The following ZC3H7B variants were observed in gnomAD, a reference collection of about 807,000 sequenced individuals.
ZC3H7B encodes the protein zinc finger CCCH-type containing 7B.
A neutral mutation model predicts 116.0 loss-of-function variants in ZC3H7B; 35 were observed. That is an observed-to-expected ratio of 0.30 (90% CI 0.23 to 0.40). The LOEUF (loss-of-function observed/expected upper bound fraction) is 0.40, where lower values mean the gene tolerates loss of function less well. Among genes scored for constraint, ZC3H7B ranks in the 10% least tolerant of loss-of-function variants. The pLI is 1.00. For synonymous variants in ZC3H7B, 502 were observed against 545.6 expected, an observed-to-expected ratio of 0.92 and a Z score of 1.11; for missense variants, 1,011 against 1,321.5, an observed-to-expected ratio of 0.77 and a Z score of 3.64.
At chr22:41,319,514 G>A (rs1410427764) in intron 1 of ZC3H7B, among the ~76,000 whole-genome samples, 1 of 151,072 alleles carries the variant, frequency 6.6e-6, no homozygotes, top group Non-Finnish European at 1.5e-5. Context: ...AGGTTGGAGT[G>A]GGCTGAGATC....
At chr22:41,345,206 A>T (rs998892932) in intron 13 of ZC3H7B, among the ~76,000 whole-genome samples, 11 of 152,220 alleles carry the variant, frequency 7.2e-5, no homozygotes, top group African/African-American at 2.7e-4. Context: ...GGGAGTAATG[A>T]GGAATCCTAG....
chr22:41,326,323 TCC>T (rs767252592), intron 4 of ZC3H7B, among the ~76,000 whole-genome samples: 2 of 147,024 alleles, frequency 1.4e-5, no homozygotes, highest in Non-Finnish European at 2.9e-5. Flanking sequence ...TCCTCACTGT[TCC>T]TCCCATAGCC....
In ZC3H7B at chr22:41,320,539, G is replaced by C. The variant is rs2036241812; in HGVS notation, c.-6-116G>C. The C allele has an allele frequency of 6.7e-6, 8 of 1,189,292 alleles. No individual in the cohort carries two copies. In the Admixed American group the frequency reaches 8.5e-5, roughly 13 times the overall value. The allele number at this position is 1,189,292 out of a possible 1,614,324, so 73.7% of individuals were successfully genotyped here. On this transcript the variant is annotated intron_variant, in intron 1 of 22. Coordinates refer to ENST00000352645, the MANE Select transcript of ZC3H7B (RefSeq NM_017590.6). ...CCTCAGGGACACGCCTCCCGACATGGGGAAGGGAATGAGAGTGGGAGTGAG... is the reference window on the plus strand; with the variant it reads ...CCTCAGGGACACGCCTCCCGACATGCGGAAGGGAATGAGAGTGGGAGTGAG...
At chr22:41,352,865 G>A (rs2036670484) in intron 17 of ZC3H7B, among the ~76,000 whole-genome samples, 1 of 151,640 alleles carries the variant, frequency 6.6e-6, no homozygotes, top group Non-Finnish European at 1.5e-5. Flanking sequence ...ATCACCTGAG[G>A]TCAGGAGTTT....
intron 21 of ZC3H7B, 84 bp from the exon 22 acceptor site, chr22:41,356,561 G>A: frequency 1.2e-6 from 2 of 1,608,668 alleles, no homozygotes; most frequent in Non-Finnish European, 1.7e-6. Flanking sequence ...GGAGGGCCCA[G>A]CCGGCCAGCG....
In ZC3H7B at chr22:41,327,863, C is replaced by T. The variant is rs1203142613; in HGVS notation, c.444+499C>T. Among the ~76,000 whole-genome samples, 1 of 152,224 alleles carries T rather than the reference C, an allele frequency of 6.6e-6. No homozygotes were observed. The highest frequency in any genetic ancestry group is 1.5e-5 in the Non-Finnish European group (1 of 68,040). On this transcript the variant is annotated intron_variant, in intron 5 of 22. Transcript: ENST00000352645. The surrounding 1 kb of genome is among the most constrained non-coding windows in gnomAD (Gnocchi z 4.5). ...TCTTGGCCAGACACAGTGGCTCATG[C>T]CTGTAATCCCAGCACTGTGGGAGGC...
In ZC3H7B at chr22:41,338,414, T is replaced by A; in HGVS notation, c.625+59T>A. The A allele has an allele frequency of 6.4e-7, 1 of 1,565,368 alleles. No individual in the cohort carries two copies. The highest frequency in any genetic ancestry group is 1.2e-5 in the South Asian group (1 of 86,738). ...TTGGGGCCCCGAGAGGTCAGGGGAG[T>A]CGAGCCCCCTCCCCATCCCAGCCCT... On this transcript the variant is annotated intron_variant, in intron 8 of 22. Coordinates refer to ENST00000352645, the MANE Select transcript of ZC3H7B (RefSeq NM_017590.6). This position sits in a 1 kb window ranked among gnomAD's most constrained non-coding sequence, Gnocchi z 4.5.
At position 41,349,678 on chromosome 22, in the gene ZC3H7B, T is replaced by C. The variant is rs1406647895; in HGVS notation, c.1948+377T>C. Among the ~76,000 whole-genome samples the C allele has an allele frequency of 6.6e-6, 1 of 152,062 alleles. No individual in the cohort carries two copies. Among genetic ancestry groups the C allele is most frequent in the Admixed American group, 6.6e-5 (1 of 15,256 alleles). On this transcript the variant is annotated intron_variant, in intron 16 of 22. Transcript: ENST00000352645. The surrounding 1 kb of genome is among the most constrained non-coding windows in gnomAD (Gnocchi z 4.9). ...GAGCCTCCAGTGCTCATCTGGGAAA[T>C]GGGGAGCCCCATCTCTTCCTCACAG...
At position 41,357,116 on chromosome 22, in the gene ZC3H7B, A is replaced by T. The variant is rs1457162940; in HGVS notation, c.2682-61A>T. The T allele has an allele frequency of 1.2e-5, 19 of 1,589,472 alleles. No individual in the cohort carries two copies. The highest frequency in any genetic ancestry group is 1.5e-5 in the Non-Finnish European group (17 of 1,169,702). On this transcript the variant is annotated intron_variant, in intron 22 of 22. Coordinates refer to ENST00000352645, the MANE Select transcript of ZC3H7B (RefSeq NM_017590.6). The surrounding 1 kb of genome is among the most constrained non-coding windows in gnomAD (Gnocchi z 5.4). ...GGGGAGGTCAAGCGGCCGGCCCCAG[A>T]TGGACAGCCTGGGGTGGGAAGGGCA...
At position 41,338,853 on chromosome 22, in the gene ZC3H7B, G is replaced by A; in HGVS notation, c.626-148G>A. 2 of 919,510 alleles carry A rather than the reference G, an allele frequency of 2.2e-6. No individual in the cohort carries two copies. Among genetic ancestry groups the A allele is most frequent in the Non-Finnish European group, 3.2e-6 (2 of 625,712 alleles). 57.0% of individuals were successfully genotyped at this position (919,510 alleles called of 1,614,324 possible). ...TTGACCACCCCCTGAGCATCTGCCA[G>A]TGGGATCAGCCGATGGGGAAGGCAG... On this transcript the variant is annotated intron_variant, in intron 8 of 22. Coordinates refer to ENST00000352645, the MANE Select transcript of ZC3H7B (RefSeq NM_017590.6). This position sits in a 1 kb window ranked among gnomAD's most constrained non-coding sequence, Gnocchi z 4.5.
Position 41,341,114 on chromosome 22 carries a change from C to A in ZC3H7B, c.1165C>A (p.Pro389Thr). The A allele has an allele frequency of 6.2e-7, 1 of 1,613,952 alleles. No individual in the cohort carries two copies. The highest frequency in any genetic ancestry group is 8.5e-7 in the Non-Finnish European group (1 of 1,179,888). Residue 389 changes from proline to threonine, a missense_variant, in exon 11 of 23, where the codon CCC (proline) becomes ACC (threonine). By Grantham distance (38) the Pro-to-Thr change is conservative. Coordinates refer to ENST00000352645, the MANE Select transcript of ZC3H7B (RefSeq NM_017590.6). ...MEETNSQDHR[P>T]PSGAQKPAPS... ...GGAGACCAACTCACAGGACCACCGT[C>A]CCCCTAGCGGTGCTCAGAAACCAGC...
intron 14 of ZC3H7B, 61 bp from the exon 15 acceptor site, chr22:41,348,005 TC>T: frequency 7.0e-7 from 1 of 1,426,380 alleles, no homozygotes; most frequent in South Asian, 1.2e-5. Context: ...CTGTGTGGGG[TC>T]CCAGCTCACC....
rs1227887139 is a variant in ZC3H7B at position 41,302,690 on chromosome 22, T to C, written c.-7+918T>C. 6.6e-6 allele frequency among the ~76,000 whole-genome samples: 1 copy of C among 152,058 alleles called. No individual in the cohort carries two copies. Among genetic ancestry groups the C allele is most frequent in the Non-Finnish European group, 1.5e-5 (1 of 68,008 alleles). On this transcript the variant is annotated intron_variant, in intron 1 of 22. Coordinates refer to ENST00000352645, the MANE Select transcript of ZC3H7B (RefSeq NM_017590.6). This position sits in a 1 kb window ranked among gnomAD's most constrained non-coding sequence, Gnocchi z 5.7. ...TTTTAGGCGTTTATAAGGCGCCTGG[T>C]TGGGGGGACTTTCACAGACAAAGCC... is the stretch of plus-strand genomic sequence containing the variant.
In ZC3H7B at chr22:41,316,115, T is replaced by C. The variant is rs1043616565; in HGVS notation, c.-6-4540T>C. On this transcript the variant is annotated intron_variant, in intron 1 of 22. Coordinates refer to ENST00000352645, the MANE Select transcript of ZC3H7B (RefSeq NM_017590.6). ...TTCAAGTGATTCTCCTGCCTCAGCC[T>C]CCTGAGTAACTGGGATTATAGGAAT... 3.4e-4 allele frequency among the ~76,000 whole-genome samples: 51 copies of C among 151,612 alleles called. 2 individuals are homozygous for C. Among genetic ancestry groups the C allele is most frequent in the Admixed American group, 3.3e-3 (50 of 15,184 alleles).
intron 1 of ZC3H7B, among the ~76,000 whole-genome samples, chr22:41,317,633 A>G (rs539812322): frequency 6.6e-6 from 1 of 151,952 alleles, no homozygotes; most frequent in African/African-American, 2.4e-5. Context: ...CTAAAAAAAA[A>G]ATAAAATACA....
chr22:41,332,124 C>G, intron 6 of ZC3H7B, 47 bp from the exon 7 acceptor site: 1 of 1,609,340 alleles, frequency 6.2e-7, no homozygotes, highest in Non-Finnish European at 8.5e-7. Flanking sequence ...CCTTGAGCAT[C>G]TTTTCAGAAT....
At chr22:41,323,123 G>C (rs1463392460) in intron 2 of ZC3H7B, among the ~76,000 whole-genome samples, 1 of 152,190 alleles carries the variant, frequency 6.6e-6, no homozygotes, top group African/African-American at 2.4e-5. Context: ...TTGATTAGGG[G>C]TTTTGGGTGC....
At chr22:41,315,431 C>T (rs1174807453) in intron 1 of ZC3H7B, among the ~76,000 whole-genome samples, 2 of 144,098 alleles carry the variant, frequency 1.4e-5, no homozygotes, top group East Asian at 4.0e-4. Flanking sequence ...CTCAAGCGAT[C>T]CTCCCACCTC....
chr22:41,321,829 C>CTTTT lies in ZC3H7B; in HGVS notation c.53+1141_53+1144dup, dbSNP rs199611879. On this transcript the variant is annotated intron_variant, in intron 2 of 22. Coordinates refer to ENST00000352645, the MANE Select transcript of ZC3H7B (RefSeq NM_017590.6). ...GACCACAAAACTCAAAACTCACATTCTTTTTTTTTTTTTTTTTTTTTTTTT... is the reference window on the plus strand; with the variant it reads ...GACCACAAAACTCAAAACTCACATTCTTTTTTTTTTTTTTTTTTTTTTTTTTTTT... Among the ~76,000 whole-genome samples the CTTTT allele has an allele frequency of 2.5e-3, 230 of 91,006 alleles. 57 individuals are homozygous for CTTTT. The highest frequency in any genetic ancestry group is 9.4e-3 in the African/African-American group (166 of 17,660). 59.7% of individuals were successfully genotyped at this position (91,006 alleles called of 152,430 possible).
Sources: gnomAD v4.1 joint callset for allele counts (sites outside exome capture counted in the v4.1 genomes callset) on GRCh38, gnomAD v4.1.1 for gene constraint, Gnocchi (gnomAD v3.1) non-coding constraint, MANE v1.5 for transcripts, NCBI Gene and HGNC (gene_info 2026-07-23, HGNC 2026-07-21) for gene names.